Variants in LEKR1 observed in about 807,000 individuals in gnomAD.
LEKR1 encodes protein LEKR1.
Under a neutral mutation model 72.4 loss-of-function variants are expected in LEKR1, and 59 were observed. That is an observed-to-expected ratio of 0.82 (90% CI 0.66 to 1.01). The LOEUF is 1.01. LEKR1 is among the 50% of genes least tolerant of loss of function. The probability of loss-of-function intolerance (pLI) is 0.00; values close to 1 mark genes in which losing one functional copy is unlikely to be tolerated. For missense variants in LEKR1, 728 were observed against 759.2 expected, an observed-to-expected ratio of 0.96 and a Z score of 0.48; for synonymous variants, 257 against 263.2, an observed-to-expected ratio of 0.98 and a Z score of 0.23.
chr3:156,932,640 G>A (rs1400323513), intron 5 of LEKR1, among the ~76,000 whole-genome samples: 1 of 150,640 alleles, frequency 6.6e-6, no homozygotes, highest in African/African-American at 2.5e-5. Context: ...TTGAACCTGG[G>A]AGGTGGAGGT....
intron 6 of LEKR1, among the ~76,000 whole-genome samples, chr3:156,972,343 T>C (rs910195144): frequency 1.2e-4 from 17 of 141,796 alleles, no homozygotes; most frequent in Non-Finnish European, 2.0e-4. Context: ...GGGCCTGTTA[T>C]GGGGTCGGAG....
intron 3 of LEKR1, among the ~76,000 whole-genome samples, chr3:156,897,546 G>T (rs777117813): frequency 2.6e-5 from 4 of 152,046 alleles, no homozygotes; most frequent in Non-Finnish European, 5.9e-5. Context: ...TGGGGGCGGG[G>T]GGAGGCTTCC....
chr3:156,831,187 ACGGAGAGT>A (rs1448859336), intron 2 of LEKR1, among the ~76,000 whole-genome samples: 3 of 152,062 alleles, frequency 2.0e-5, no homozygotes, highest in African/African-American at 7.2e-5. Context: ...ATGTGTGAAG[ACGGAGAGT>A]CCAAGTGGGG....
intron 9 of LEKR1, among the ~76,000 whole-genome samples, chr3:156,995,193 T>C (rs970061998): frequency 1.3e-5 from 2 of 152,232 alleles, no homozygotes; most frequent in Non-Finnish European, 2.9e-5. Context: ...GTTTTATGAA[T>C]GCTTTGAGGA....
intron 3 of LEKR1, among the ~76,000 whole-genome samples, chr3:156,890,166 A>G (rs981221541): frequency 1.3e-5 from 2 of 152,200 alleles, no homozygotes; most frequent in Non-Finnish European, 2.9e-5. Flanking sequence ...GTTTTGTTTT[A>G]TTATTGTTAT....
At chr3:156,904,515 G>C (rs76647923) in intron 3 of LEKR1, among the ~76,000 whole-genome samples, 7 of 150,314 alleles carry the variant, frequency 4.7e-5, no homozygotes, top group African/African-American at 1.5e-4. Flanking sequence ...GCTGGAGTGC[G>C]ATGGCATGAT....
intron 6 of LEKR1, among the ~76,000 whole-genome samples, chr3:156,953,516 C>T (rs1440347771): frequency 1.3e-5 from 2 of 151,692 alleles, no homozygotes; most frequent in African/African-American, 2.4e-5. Flanking sequence ...TTCAACCCCC[C>T]AGTTGACAGG....
chr3:156,883,426 G>C (rs1473461794), intron 3 of LEKR1, among the ~76,000 whole-genome samples: 1 of 152,152 alleles, frequency 6.6e-6, no homozygotes, highest in East Asian at 1.9e-4. Flanking sequence ...AGACTTTGGG[G>C]GACTGTTGAG....
intron 3 of LEKR1, among the ~76,000 whole-genome samples, chr3:156,910,003 T>C (rs1233412305): frequency 6.6e-6 from 1 of 152,182 alleles, no homozygotes; most frequent in African/African-American, 2.4e-5. Context: ...ATGTGAATCC[T>C]AAAAACAATG....
chr3:156,965,948 G>A (rs1728531158), intron 6 of LEKR1, among the ~76,000 whole-genome samples: 2 of 152,064 alleles, frequency 1.3e-5, no homozygotes, highest in African/African-American at 4.8e-5. Context: ...AAGGCTAATA[G>A]CTCATCAAAC....
At chr3:156,950,273 T>A (rs1381214623) in intron 6 of LEKR1, among the ~76,000 whole-genome samples, 4 of 151,672 alleles carry the variant, frequency 2.6e-5, no homozygotes, top group Non-Finnish European at 4.4e-5. Flanking sequence ...GATAATGTGA[T>A]GCCTGCAGCT....
rs1731272056 is a variant in LEKR1, at chr3:156,993,148, A to T, written c.980A>T (p.Glu327Val). Residue 327 changes from glutamate (E) to valine (V), a missense_variant, in exon 9 of 13, where the codon GAG (glutamate) becomes GTG (valine). Coordinates refer to ENST00000356539, the MANE Select transcript of LEKR1 (RefSeq NM_001004316.3). ...CAGATATATAAAGCATTACAGGAAG[A>T]GCTGACTGTGAAAGAAAAGCAAGAA... ...CQQIYKALQEELTVKEKQEED... is the reference protein window; with the variant it reads ...CQQIYKALQEVLTVKEKQEED... The T allele has an allele frequency of 6.2e-7, 1 of 1,612,652 alleles. No homozygotes were observed. Among genetic ancestry groups the T allele is most frequent in the Admixed American group, 1.7e-5 (1 of 59,900 alleles).
intron 2 of LEKR1, among the ~76,000 whole-genome samples, chr3:156,833,467 TTAATA>T (rs1440795506): frequency 6.6e-6 from 1 of 152,224 alleles, no homozygotes; most frequent in Non-Finnish European, 1.5e-5. Flanking sequence ...GGCATACAAT[TTAATA>T]TAACAATTAT....
At chr3:157,008,560 T>C (rs1440595168) in intron 9 of LEKR1, among the ~76,000 whole-genome samples, 1 of 152,184 alleles carries the variant, frequency 6.6e-6, no homozygotes, top group African/African-American at 2.4e-5. Flanking sequence ...TTCCATCTCC[T>C]TCTCTCCTTC....
At chr3:156,834,294 C>A (rs1712823543) in intron 2 of LEKR1, among the ~76,000 whole-genome samples, 1 of 151,962 alleles carries the variant, frequency 6.6e-6, no homozygotes, top group Non-Finnish European at 1.5e-5. Flanking sequence ...CTAAATAATC[C>A]CGTTCAACTT....
chr3:157,016,666 A>G (rs979526487), intron 10 of LEKR1, among the ~76,000 whole-genome samples: 5 of 152,142 alleles, frequency 3.3e-5, no homozygotes, highest in African/African-American at 1.2e-4. Context: ...AAATAGTAAC[A>G]CTGTGGGTAA....
intron 3 of LEKR1, among the ~76,000 whole-genome samples, chr3:156,870,700 A>G (rs1717822810): frequency 6.6e-6 from 1 of 152,032 alleles, no homozygotes. Context: ...TGGCTAGGAT[A>G]TACAGTACTG....
At chr3:156,831,165 A>G (rs1044654591) in intron 2 of LEKR1, among the ~76,000 whole-genome samples, 4 of 152,110 alleles carry the variant, frequency 2.6e-5, no homozygotes, top group Non-Finnish European at 5.9e-5. Flanking sequence ...ATAGGGGTGT[A>G]GAAAATGGTC....
intron 6 of LEKR1, among the ~76,000 whole-genome samples, chr3:156,955,140 TC>T (rs1727508576): frequency 6.6e-6 from 1 of 152,006 alleles, no homozygotes; most frequent in Non-Finnish European, 1.5e-5. Flanking sequence ...GGGATTTCAT[TC>T]ATTATTTGGC....
Sources: gnomAD v4.1 joint callset for allele counts (sites outside exome capture counted in the v4.1 genomes callset) on GRCh38, gnomAD v4.1.1 for gene constraint, MANE v1.5 for transcripts, NCBI Gene and HGNC (gene_info 2026-07-23, HGNC 2026-07-21) for gene names.